TRMT5: variants seen among roughly 807,000 people sequenced by gnomAD.
TRMT5 encodes the protein tRNA methyltransferase 5.
TRMT5 carries 31 observed loss-of-function variants against 42.2 expected under a neutral mutation model. The ratio of observed to expected loss-of-function variants is 0.73; its 90% CI spans 0.55 to 0.99. TRMT5 has a LOEUF of 0.99. TRMT5 is among the 50% of genes least tolerant of loss of function. The pLI, the probability that TRMT5 is intolerant of heterozygous loss-of-function variation, is 0.00. For synonymous variants in TRMT5, 198 were observed against 209.6 expected (o/e 0.94, Z 0.48); for missense variants, 568 against 595.0 (o/e 0.95, Z 0.47).
chr14:60,981,204 G>C, upstream of TRMT5: 4 of 1,543,488 alleles, frequency 2.6e-6, no homozygotes, highest in Non-Finnish European at 3.5e-6. Flanking sequence ...TCCGCCTCTG[G>C]CGCGACCGAC....
chr14:60,974,848 G>A lies in TRMT5; in HGVS notation c.*261C>T, dbSNP rs959820607. 1 of 202,928 alleles carries A rather than the reference G, an allele frequency of 4.9e-6. No homozygotes were observed. Among genetic ancestry groups the A allele is most frequent in the Admixed American group, 5.8e-5 (1 of 17,290 alleles). 12.6% of individuals were successfully genotyped at this position (202,928 alleles called of 1,614,324 possible). A position where few individuals can be genotyped will look rare whatever the true frequency, so the allele number is the denominator to read the frequency against. ...TACTTTCAAAAATTATTTTCCCTGA[G>A]AGAAAATATTTATTCATATTTATCC... On this transcript the variant is annotated 3_prime_UTR_variant, in exon 5 of 5. Transcript: ENST00000261249.
At position 60,975,275 on chromosome 14, in the gene TRMT5, T is replaced by C. The variant is rs2036828777; in HGVS notation, c.1445-81A>G. ...CTTAAAAAAACAAACAATATAGGCA[T>C]TTTTAATCTAGTCAACTTAAACATG... On this transcript the variant is annotated intron_variant, in intron 4 of 4. Coordinates refer to ENST00000261249, the MANE Select transcript of TRMT5 (RefSeq NM_020810.3). The C allele has an allele frequency of 4.4e-6, 6 of 1,352,492 alleles. No individual in the cohort carries two copies. The East Asian group carries it at 1.4e-4, about 32-fold the overall frequency. The allele number at this position is 1,352,492 out of a possible 1,614,324, so 83.8% of individuals were successfully genotyped here.
chr14:60,979,341 A>C lies in TRMT5; in HGVS notation c.557T>G (p.Leu186Trp). The change falls in exon 2 of 5, where the codon TTG becomes TGG. Residue 186 changes from leucine to tryptophan, a missense_variant. Leu to Trp is a moderately conservative substitution (Grantham distance 61). Coordinates refer to ENST00000261249, the MANE Select transcript of TRMT5 (RefSeq NM_020810.3). Reference sequence around the variant, plus strand: ...TTGACCTTCAGGAAGCACAGCTCTCAAGATTTCTTCTGACTTAAAGTGTTC... The same window carrying C: ...TTGACCTTCAGGAAGCACAGCTCTCCAGATTTCTTCTGACTTAAAGTGTTC... ...TYEHFKSEEILRAVLPEGQDV... is the reference protein window; with the variant it reads ...TYEHFKSEEIWRAVLPEGQDV... 1 of 1,614,136 alleles carries C rather than the reference A, an allele frequency of 6.2e-7. No homozygotes were observed. Among genetic ancestry groups the C allele is most frequent in the Non-Finnish European group, 8.5e-7 (1 of 1,180,006 alleles).
intron 1 of TRMT5, among the ~76,000 whole-genome samples, chr14:60,980,660 C>G (rs1233222088): frequency 6.6e-6 from 1 of 152,194 alleles, no homozygotes; most frequent in Admixed American, 6.5e-5. Context: ...AGGGCCCTGT[C>G]CCAGAATCCT....
rs1236309686 is a variant in TRMT5 at position 60,973,136 on chromosome 14, T to A, written c.*1973A>T. ...TGACAAATGTGTAAGGATATTGTCATCAAATATTGTGATTCAAATATCGAT... is the reference window on the plus strand; with the variant it reads ...TGACAAATGTGTAAGGATATTGTCAACAAATATTGTGATTCAAATATCGAT... On this transcript the variant is annotated 3_prime_UTR_variant, in exon 5 of 5. Transcript: ENST00000261249. The A allele has an allele frequency of 2.0e-5, 3 of 152,262 alleles. No homozygotes were observed. The highest frequency in any genetic ancestry group is 7.2e-5 in the African/African-American group (3 of 41,466). 9.4% of individuals were successfully genotyped at this position (152,262 alleles called of 1,614,324 possible). A position where few individuals can be genotyped will look rare whatever the true frequency, so the allele number is the denominator to read the frequency against.
chr14:60,977,482 T>C (rs748112868), intron 3 of TRMT5, 32 bp downstream of exon 3: 5 of 1,580,616 alleles, frequency 3.2e-6, no homozygotes, highest in Non-Finnish European at 3.4e-6. Context: ...ATAATATTGA[T>C]ATACACCTTA....
At chr14:60,976,582 G>C (rs2036851325) in intron 3 of TRMT5, among the ~76,000 whole-genome samples, 1 of 152,176 alleles carries the variant, frequency 6.6e-6, no homozygotes, top group South Asian at 2.1e-4. Context: ...CAGCAAACAA[G>C]CTTCCCTCCT....
chr14:60,981,170 T>C, upstream of TRMT5: 1 of 1,535,834 alleles, frequency 6.5e-7, no homozygotes, highest in South Asian at 1.2e-5. Context: ...AAGTACGGAA[T>C]GCCGGAAGGG....
upstream of TRMT5, chr14:60,981,405 C>T (rs923340005): frequency 6.4e-7 from 1 of 1,566,194 alleles, no homozygotes; most frequent in African/African-American, 1.4e-5. Flanking sequence ...TGTTCGCTTC[C>T]CCGCGCTGAC....
Position 60,975,955 on chromosome 14 carries a change from T to C in TRMT5, c.964A>G (p.Thr322Ala). 1.2e-6 allele frequency: 2 copies of C among 1,614,180 alleles called. No individual in the cohort carries two copies. Among genetic ancestry groups the C allele is most frequent in the East Asian group, 2.2e-5 (1 of 44,870 alleles). The change falls in exon 4 of 5, where the codon ACT becomes GCT. Residue 322 changes from threonine to alanine, a missense_variant. Coordinates refer to ENST00000261249, the MANE Select transcript of TRMT5 (RefSeq NM_020810.3). ...GGATTGAGATCATTGGCAAATACAG[T>C]GCAGTTTTTCTTTGCTACTGGAATG... ...FAIPVAKKNC[T>A]VFANDLNPES... is the part of the protein sequence containing the mutation.
chr14:60,976,238 C>T, intron 3 of TRMT5, 112 bp from the exon 4 acceptor site: 1 of 1,256,282 alleles, frequency 8.0e-7, no homozygotes, highest in East Asian at 2.4e-5. Context: ...TTTAAGTTTA[C>T]TACTGTAAGA....
At chr14:60,981,246 T>C (rs768801780), upstream of TRMT5, 1 of 1,571,190 alleles carries the variant, frequency 6.4e-7, no homozygotes, top group South Asian at 1.2e-5. Context: ...TAGAGGCTCG[T>C]AGATGGAACT....
At position 60,976,105 on chromosome 14, in the gene TRMT5, A is replaced by T; in HGVS notation, c.814T>A (p.Tyr272Asn). The T allele has an allele frequency of 6.2e-7, 1 of 1,610,978 alleles. No homozygotes were observed. Among genetic ancestry groups the T allele is most frequent in the East Asian group, 2.2e-5 (1 of 44,838 alleles). The change falls in exon 4 of 5, where the codon TAT becomes AAT. Residue 272 changes from tyrosine to asparagine, a missense_variant. Tyr to Asn is a moderately radical substitution (Grantham distance 143). Transcript: ENST00000261249. ...TAGACTTTTGAAAAATCAAATTCAT[A>T]GGTGTAGTTGTTTTCTCGAACCTGA... is the stretch of plus-strand genomic sequence containing the variant. ...MTKVRENNYT[Y>N]EFDFSKVYWN...
rs1157051227 is a variant in TRMT5 at position 60,979,366 on chromosome 14, CAT to C, written c.530_531del (p.Tyr177Ter). 3 of 1,614,110 alleles carry C rather than the reference CAT, an allele frequency of 1.9e-6. No individual in the cohort carries two copies. The highest frequency in any genetic ancestry group is 2.2e-5 in the East Asian group (1 of 44,884). On this transcript the variant is annotated frameshift_variant, in exon 2 of 5. Coordinates refer to ENST00000261249, the MANE Select transcript of TRMT5 (RefSeq NM_020810.3). LOFTEE classifies it high-confidence loss of function. ...QISKYNLELT[Y>X]EHFKSEEILR... ...AAGATTTCTTCTGACTTAAAGTGTT[CAT>C]ATGTTAGTTCCAAATTGTATTTAGA...
At chr14:60,979,919 C>T in intron 1 of TRMT5, 33 bp from the exon 2 acceptor site, 4 of 1,500,192 alleles carry the variant, frequency 2.7e-6, no homozygotes, top group Non-Finnish European at 3.5e-6. Flanking sequence ...TCACACACGA[C>T]AGCTTTTGAG....
chr14:60,981,300 T>A, upstream of TRMT5: 1 of 1,608,976 alleles, frequency 6.2e-7, no homozygotes. Context: ...TGGGGGAGCT[T>A]CAACGCTGAG....
rs1470017157 is a variant in TRMT5, at chr14:60,975,511, C to T, written c.1408G>A (p.Ala470Thr). Residue 470 changes from alanine (A) to threonine (T), a missense_variant, in exon 4 of 5, where the codon GCC becomes ACC. By Grantham distance (58) the Ala-to-Thr change is moderately conservative. Transcript: ENST00000261249. The stretch of plus-strand genomic sequence containing the variant: ...GTCTGGTTCTTGTAGAGGACAGAGG[C>T]AGGAATCTGAAACGTGATGCACAGC... ...EMLCITFQIPASVLYKNQTRN... is the reference protein window; with the variant it reads ...EMLCITFQIPTSVLYKNQTRN... 1.2e-6 allele frequency: 2 copies of T among 1,614,110 alleles called. No individual in the cohort carries two copies. The highest frequency in any genetic ancestry group is 1.1e-5 in the South Asian group (1 of 91,070).
chr14:60,981,634 T>G, upstream of TRMT5: 1 of 1,452,036 alleles, frequency 6.9e-7, no homozygotes, highest in Non-Finnish European at 9.1e-7. Context: ...CAGCGTTGAG[T>G]GGAAGCTGCG....
rs1566591533 is a variant in TRMT5, at chr14:60,979,396, T to A, written c.502A>T (p.Ile168Phe). 2 of 1,614,046 alleles carry A rather than the reference T, an allele frequency of 1.2e-6. No homozygotes were observed. Among genetic ancestry groups the A allele is most frequent in the Non-Finnish European group, 1.7e-6 (2 of 1,180,024 alleles). Reference protein sequence around the residue: ...VLEQLNVSPQISKYNLELTYE... With the variant: ...VLEQLNVSPQFSKYNLELTYE... ...GTTAGTTCCAAATTGTATTTAGAGA[T>A]CTGTGGACTGACATTAAGCTGCTCT... Residue 168 changes from isoleucine (I) to phenylalanine (F), a missense_variant, in exon 2 of 5, where the codon ATC (isoleucine) becomes TTC (phenylalanine). Ile to Phe is a conservative substitution (Grantham distance 21). Transcript: ENST00000261249.
Sources: gnomAD v4.1 joint callset for allele counts (sites outside exome capture counted in the v4.1 genomes callset) on GRCh38, gnomAD v4.1.1 for gene constraint, MANE v1.5 for transcripts, NCBI Gene and HGNC (gene_info 2026-07-23, HGNC 2026-07-21) for gene names.